HTR2C: variants seen among roughly 807,000 people sequenced by gnomAD.
The protein encoded by HTR2C is 5-hydroxytryptamine receptor 2C, also known as 5-hydroxytryptamine (serotonin) receptor 2C, G protein-coupled.
Under a neutral mutation model 21.0 loss-of-function variants are expected in HTR2C, and 5 were observed. The observed-to-expected ratio is 0.24, with a 90% CI of 0.12 to 0.50. The LOEUF is 0.50. Ranked by LOEUF, HTR2C falls within the 20% of genes least tolerant of loss-of-function variation. The pLI is 0.98. For synonymous variants in HTR2C, 150 were observed against 145.3 expected (o/e 1.03, Z -0.23); for missense variants, 271 against 371.2 (o/e 0.73, Z 2.22).
chrX:114,615,173 GAAAT>G (rs1436177658), intron 2 of HTR2C, among the ~76,000 whole-genome samples: 1 of 111,435 alleles, frequency 9.0e-6, no homozygotes, highest in Non-Finnish European at 1.9e-5. Flanking sequence ...AAAAATAAAA[GAAAT>G]AAGAAAACAG....
intron 2 of HTR2C, among the ~76,000 whole-genome samples, chrX:114,700,841 G>A (rs988768071): frequency 1.8e-5 from 2 of 112,303 alleles, no homozygotes; most frequent in African/African-American, 3.2e-5. Flanking sequence ...CTGGAAAATC[G>A]GGTCACTCCC....
chrX:114,726,050 G>T (rs1295335514), intron 2 of HTR2C, among the ~76,000 whole-genome samples: 1 of 112,054 alleles, frequency 8.9e-6, no homozygotes, highest in African/African-American at 3.2e-5. Flanking sequence ...CACCCAGTTC[G>T]AGCTTCCGGG....
intron 2 of HTR2C, among the ~76,000 whole-genome samples, chrX:114,668,740 C>G (rs1931263824): frequency 9.0e-6 from 1 of 110,761 alleles, no homozygotes; most frequent in Admixed American, 9.7e-5. Flanking sequence ...CATAACCCTC[C>G]TGCTTTGGAG....
At chrX:114,732,392 A>G (rs1313520094) in intron 4 of HTR2C, among the ~76,000 whole-genome samples, 1 of 111,423 alleles carries the variant, frequency 9.0e-6, no homozygotes, top group East Asian at 2.8e-4. Context: ...AATTGCTAAT[A>G]TGCTTATCTC....
chrX:114,775,543 G>A, intron 4 of HTR2C: 2 of 496,770 alleles, frequency 4.0e-6, no homozygotes, highest in Non-Finnish European at 7.5e-6. Flanking sequence ...ATGAGGACAG[G>A]AGGACAGTCA....
rs1353391518 is a variant in HTR2C, at chrX:114,776,683, A to G, written c.349+45076A>G. The G allele has an allele frequency of 5.2e-5, 25 of 477,968 alleles. No homozygotes were observed. In the East Asian group the frequency reaches 1.1e-3, roughly 20 times the overall value. 39.4% of individuals were successfully genotyped at this position (477,968 alleles called of 1,213,427 possible). On this transcript the variant is annotated intron_variant, in intron 4 of 5. Transcript: ENST00000276198. ...TTGGAGTGGTTCAGTTTCCCTGATCATTGGTAATTATCTCTACTTTTCCAT... is the reference window on the plus strand; with the variant it reads ...TTGGAGTGGTTCAGTTTCCCTGATCGTTGGTAATTATCTCTACTTTTCCAT...
At chrX:114,811,994 A>C (rs1229834775) in intron 4 of HTR2C, among the ~76,000 whole-genome samples, 2 of 111,216 alleles carry the variant, frequency 1.8e-5, no homozygotes, top group Non-Finnish European at 3.8e-5. Context: ...GGTTTGTTAC[A>C]TAGGTAAACA....
intron 2 of HTR2C, among the ~76,000 whole-genome samples, chrX:114,657,648 C>T (rs782623699): frequency 3.6e-5 from 4 of 111,023 alleles, no homozygotes; most frequent in Non-Finnish European, 7.6e-5. Flanking sequence ...CTTCATGGCC[C>T]ACCTAATCAA....
intron 4 of HTR2C, among the ~76,000 whole-genome samples, chrX:114,736,027 G>A (rs2069586762): frequency 9.1e-6 from 1 of 110,027 alleles, no homozygotes; most frequent in Admixed American, 9.7e-5. Context: ...GCAGGAGAAC[G>A]GTGTGAACCT....
At chrX:114,786,546 A>C (rs2070175935) in intron 4 of HTR2C, among the ~76,000 whole-genome samples, 1 of 111,796 alleles carries the variant, frequency 8.9e-6, no homozygotes, top group Non-Finnish European at 1.9e-5. Context: ...CACAATAATT[A>C]AGTGACAGAG....
intron 4 of HTR2C, among the ~76,000 whole-genome samples, chrX:114,758,868 T>C (rs1244427592): frequency 2.7e-5 from 3 of 111,848 alleles, no homozygotes; most frequent in African/African-American, 9.7e-5. Flanking sequence ...ATCTTCTTTT[T>C]GAAATATATC....
In HTR2C at chrX:114,907,308, A is replaced by T; in HGVS notation, c.1270A>T (p.Ile424Phe). Residue 424 changes from isoleucine (I) to phenylalanine (F), a missense_variant, in exon 6 of 6, where the codon ATC (isoleucine) becomes TTC (phenylalanine). Around this residue, in one of 5 missense-constraint regions of HTR2C, gnomAD observed 192 missense variants for 247.2 expected, o/e 0.78. Transcript: ENST00000276198. ...NIYRHTNEPV[I>F]EKASDNEPGI... ...TTATCGGCATACCAATGAACCGGTG[A>T]TCGAGAAAGCCAGTGACAATGAGCC... 1 of 1,211,053 alleles carries T rather than the reference A, an allele frequency of 8.3e-7. No individual in the cohort carries two copies. The highest frequency in any genetic ancestry group is 1.1e-6 in the Non-Finnish European group (1 of 894,856).
intron 4 of HTR2C, among the ~76,000 whole-genome samples, chrX:114,797,382 C>T (rs1268813446): frequency 9.0e-6 from 1 of 111,253 alleles, no homozygotes; most frequent in Non-Finnish European, 1.9e-5. Flanking sequence ...TTTCTTTACT[C>T]CAATCTACCT....
At chrX:114,758,333 A>G (rs782296844) in intron 4 of HTR2C, among the ~76,000 whole-genome samples, 3 of 110,668 alleles carry the variant, frequency 2.7e-5, no homozygotes, top group Non-Finnish European at 5.7e-5. Flanking sequence ...AGGCCGAGAC[A>G]GGAGAACCAT....
chrX:114,645,442 G>A (rs1334078767), intron 2 of HTR2C, among the ~76,000 whole-genome samples: 2 of 109,380 alleles, frequency 1.8e-5, no homozygotes, highest in African/African-American at 6.6e-5. Flanking sequence ...GTGATTGATG[G>A]GGGAAGTGGA....
intron 5 of HTR2C, among the ~76,000 whole-genome samples, chrX:114,860,644 C>G (rs2070999539): frequency 9.0e-6 from 1 of 110,722 alleles, no homozygotes; most frequent in African/African-American, 3.3e-5. Flanking sequence ...CTTTATTATT[C>G]TTTCTTTTGT....
chrX:114,775,889 G>T, intron 4 of HTR2C: 1 of 374,662 alleles, frequency 2.7e-6, no homozygotes. Context: ...TTGGGCACAG[G>T]CAATGGATGT....
chrX:114,678,746 A>G (rs1412019734), intron 2 of HTR2C, among the ~76,000 whole-genome samples: 1 of 111,594 alleles, frequency 9.0e-6, no homozygotes, highest in Admixed American at 9.6e-5. Flanking sequence ...TTCAGAAGAT[A>G]TAGGAATTTT....
At chrX:114,635,476 A>C (rs1929806813) in intron 2 of HTR2C, among the ~76,000 whole-genome samples, 1 of 112,113 alleles carries the variant, frequency 8.9e-6, no homozygotes, top group Non-Finnish European at 1.9e-5. Context: ...GAGTATGTTA[A>C]TAAGAATAAT....
Sources: allele counts gnomAD v4.1 joint callset (sites outside exome capture counted in the v4.1 genomes callset), GRCh38; gene constraint gnomAD v4.1.1; regional missense constraint gnomAD v4.1.1; transcripts MANE v1.5; gene names NCBI Gene and HGNC (gene_info 2026-07-23, HGNC 2026-07-21).